HSP90AA1: variants seen among roughly 807,000 people sequenced by gnomAD.
The protein encoded by HSP90AA1 is heat shock protein 90 alpha family class A member 1, also known as heat shock protein HSP 90-alpha.
Under a neutral mutation model 73.3 loss-of-function variants are expected in HSP90AA1, and 18 were observed. The ratio of observed to expected loss-of-function variants is 0.25; its 90% CI spans 0.17 to 0.36. The LOEUF (loss-of-function observed/expected upper bound fraction) is 0.36, where lower values mean the gene tolerates loss of function less well. HSP90AA1 is among the 10% of genes least tolerant of loss of function. HSP90AA1 has a pLI of 1.00. For missense variants in HSP90AA1, 704 were observed against 874.2 expected (o/e 0.81, Z 2.45); for synonymous variants, 477 against 296.9 (o/e 1.61, Z -6.24).
intron 2 of HSP90AA1, among the ~76,000 whole-genome samples, chr14:102,097,175 G>A (rs1378178218): frequency 6.6e-6 from 1 of 151,942 alleles, no homozygotes; most frequent in African/African-American, 2.4e-5. Context: ...TAGTAGAGAC[G>A]GGGTTTCTCC....
chr14:102,091,544 T>G (rs1057230254), upstream of HSP90AA1, among the ~76,000 whole-genome samples: 2 of 152,002 alleles, frequency 1.3e-5, no homozygotes, highest in Non-Finnish European at 2.9e-5. Flanking sequence ...GACAATTGCT[T>G]GAACTCAGGA....
rs563018514 is a variant in HSP90AA1 at position 102,084,297 on chromosome 14, C to T, written c.1147+102G>A. The T allele has an allele frequency of 1.3e-5, 14 of 1,097,702 alleles. No individual in the cohort carries two copies. In the East Asian group the frequency reaches 1.7e-4, roughly 13 times the overall value. The allele number at this position is 1,097,702 out of a possible 1,614,324, so 68.0% of individuals were successfully genotyped here. On this transcript the variant is annotated intron_variant, in intron 6 of 10. Coordinates refer to ENST00000216281, the MANE Select transcript of HSP90AA1 (RefSeq NM_005348.4). ...CTGACCTCAAGTGATCTGCCCACCCCGGCCTCCCAAAGTGCTAGGATTATA... is the reference window on the plus strand; with the variant it reads ...CTGACCTCAAGTGATCTGCCCACCCTGGCCTCCCAAAGTGCTAGGATTATA...
intron 1 of HSP90AA1, among the ~76,000 whole-genome samples, 192 bp from the exon 2 acceptor site, chr14:102,086,570 C>G (rs1048255776): frequency 6.6e-6 from 1 of 152,026 alleles, no homozygotes; most frequent in Non-Finnish European, 1.5e-5. Flanking sequence ...AGCGTGTGCG[C>G]GCTTCCGGGA....
Position 102,084,965 on chromosome 14 carries a change from C to G in HSP90AA1, c.697G>C (p.Asp233His). The G allele has an allele frequency of 6.2e-7, 1 of 1,610,838 alleles. No homozygotes were observed. The highest frequency in any genetic ancestry group is 8.5e-7 in the Non-Finnish European group (1 of 1,177,108). The change falls in exon 5 of 11, where the codon GAT (aspartate) becomes CAT (histidine). Residue 233 changes from aspartate (D) to histidine (H), a missense_variant. Asp to His is a moderately conservative substitution (Grantham distance 81). Coordinates refer to ENST00000216281, the MANE Select transcript of HSP90AA1 (RefSeq NM_005348.4). ...TTGTCTTCCTTTTCTTCAGCCTCAT[C>G]ATCGCTTACTTCTTTATCACGTTCC... ...EKERDKEVSD[D>H]EAEEKEDKEE... is the part of the protein sequence containing the mutation.
intron 1 of HSP90AA1, among the ~76,000 whole-genome samples, chr14:102,138,010 T>TA (rs748502102): frequency 0.018 from 2,525 of 136,846 alleles, 21 homozygotes; most frequent in Non-Finnish European, 0.025. Flanking sequence ...AGACTCCATC[T>TA]AAGAAAAAAA....
At chr14:102,108,263 CAAAA>C (rs34157305) in intron 1 of HSP90AA1, among the ~76,000 whole-genome samples, 1 of 79,898 alleles carries the variant, frequency 1.3e-5, no homozygotes, top group Non-Finnish European at 2.3e-5. Context: ...ACCTTGTCTC[CAAAA>C]AAAAAAAAAA....
chr14:102,124,787 C>T (rs2049821125), intron 1 of HSP90AA1, among the ~76,000 whole-genome samples: 1 of 152,078 alleles, frequency 6.6e-6, no homozygotes, highest in Non-Finnish European at 1.5e-5. Flanking sequence ...TCATTTAAAA[C>T]TTTTATGTAC....
chr14:102,115,153 G>A (rs2152622811), intron 1 of HSP90AA1, among the ~76,000 whole-genome samples: 1 of 147,608 alleles, frequency 6.8e-6, no homozygotes, highest in Admixed American at 6.8e-5. Flanking sequence ...AAAAAAATTA[G>A]CTGGGTGTGG....
chr14:102,088,319 A>G (rs2049298322), upstream of HSP90AA1, among the ~76,000 whole-genome samples: 1 of 152,014 alleles, frequency 6.6e-6, no homozygotes, highest in Admixed American at 6.6e-5. Context: ...GGCGCCTCCC[A>G]TGATTGGGCC....
chr14:102,109,272 TTGTA>T (rs1253674876), intron 1 of HSP90AA1, among the ~76,000 whole-genome samples: 2 of 152,174 alleles, frequency 1.3e-5, no homozygotes, highest in African/African-American at 4.8e-5. Context: ...TTCATCCATG[TTGTA>T]TGTAACAGTA....
chr14:102,085,181 G>C (rs552132792), intron 4 of HSP90AA1, 117 bp downstream of exon 4: 518 of 1,413,900 alleles, frequency 3.7e-4, no homozygotes, highest in Non-Finnish European at 3.7e-4. Context: ...TTAGGTAGTA[G>C]AGCTTAGGTT....
intron 1 of HSP90AA1, among the ~76,000 whole-genome samples, chr14:102,122,753 T>C (rs575148760): frequency 1.1e-3 from 161 of 151,904 alleles, no homozygotes; most frequent in Admixed American, 5.4e-3. Context: ...CTGCAACCTC[T>C]GCCTCCTGGG....
intron 1 of HSP90AA1, among the ~76,000 whole-genome samples, chr14:102,111,842 T>C (rs1299436013): frequency 6.6e-6 from 1 of 152,212 alleles, no homozygotes. Flanking sequence ...CAAGATAGCA[T>C]AAAAGAGCTT....
chr14:102,139,493 GC>G, exon 1 of HSP90AA1: 3 of 1,355,590 alleles, frequency 2.2e-6, no homozygotes, highest in Non-Finnish European at 3.0e-6. Flanking sequence ...GGGTCCCGGC[GC>G]CCCTCAGGGC....
Position 102,086,102 on chromosome 14 carries a change from T to C in HSP90AA1, c.185A>G (p.Glu62Gly). Residue 62 changes from glutamate to glycine, a missense_variant, in exon 3 of 11, where the codon GAA becomes GGA. Glu to Gly is a moderately conservative substitution (Grantham distance 98). Coordinates refer to ENST00000216281, the MANE Select transcript of HSP90AA1 (RefSeq NM_005348.4). ...SSDALDKIRY[E>G]SLTDPSKLDS... ...TAATTTACTGGGATCTGTCAAGCTT[T>C]CATACCGGATTTTGTCCAATGCCTG... The C allele has an allele frequency of 1.2e-6, 2 of 1,614,094 alleles. No homozygotes were observed. The highest frequency in any genetic ancestry group is 1.1e-5 in the South Asian group (1 of 91,080).
In HSP90AA1 at chr14:102,082,418, T is replaced by G. The variant is rs750025022; in HGVS notation, c.1782A>C (p.Thr594=). ...TGCTTGTGACAATACAGCATGGAGA[T>G]GTCACCAATCGGTTTGACACAACCA... ...EKVVVSNRLV[T]SPCCIVTSTY... Residue 594 remains threonine, a synonymous_variant, in exon 10 of 11, where the codon ACA becomes ACC. Transcript: ENST00000216281. 7 of 1,613,274 alleles carry G rather than the reference T, an allele frequency of 4.3e-6. No homozygotes were observed. The highest frequency in any genetic ancestry group is 1.3e-5 in the African/African-American group (1 of 75,046).
intron 1 of HSP90AA1, among the ~76,000 whole-genome samples, chr14:102,118,891 A>G (rs967076666): frequency 4.1e-5 from 5 of 121,708 alleles, no homozygotes; most frequent in Non-Finnish European, 8.2e-5. Context: ...TCTCATTTCT[A>G]TCATTCCGGC....
intron 3 of HSP90AA1, 96 bp from the exon 4 acceptor site, chr14:102,085,527 G>A (rs2152612549): frequency 2.2e-6 from 3 of 1,341,568 alleles, no homozygotes; most frequent in Non-Finnish European, 3.2e-6. Context: ...AGCAAGGTTT[G>A]CCGTTACTAC....
chr14:102,082,816 T>G (rs888262492), intron 9 of HSP90AA1: 12 of 568,480 alleles, frequency 2.1e-5, no homozygotes, highest in Non-Finnish European at 3.2e-5. Context: ...GAGACTGAGT[T>G]TCACCGTGTT....
Sources: allele counts gnomAD v4.1 joint callset (sites outside exome capture counted in the v4.1 genomes callset), GRCh38; gene constraint gnomAD v4.1.1; transcripts MANE v1.5; gene names NCBI Gene and HGNC (gene_info 2026-07-23, HGNC 2026-07-21).